Variants in ASB6 observed in about 807,000 individuals in gnomAD.
The protein encoded by ASB6 is ankyrin repeat and SOCS box containing 6, also known as ankyrin repeat and SOCS box protein 6.
Under a neutral mutation model 28.6 loss-of-function variants are expected in ASB6, and 24 were observed. That is an observed-to-expected ratio of 0.84 (90% confidence interval 0.61 to 1.18). The LOEUF is 1.18. ASB6 is among the 50% of genes most tolerant of loss of function. ASB6 has a pLI of 0.00. For synonymous variants in ASB6, 267 were observed against 243.4 expected (o/e 1.10, Z -0.90); for missense variants, 519 against 559.8 (o/e 0.93, Z 0.74).
rs1831715274 is a variant in ASB6 at position 129,641,954 on chromosome 9, G to A, written c.46C>T (p.Pro16Ser). The A allele has an allele frequency of 1.2e-6, 2 of 1,603,286 alleles. No individual in the cohort carries two copies. Among genetic ancestry groups the A allele is most frequent in the Non-Finnish European group, 8.5e-7 (1 of 1,176,134 alleles). Residue 16 changes from proline (P) to serine (S), a missense_variant, in exon 1 of 6, where the codon CCG becomes TCG. Transcript: ENST00000277458. ...GFRRIIFEYQ[P>S]LVDAILGSLG... ...GAGCCCAGAATCGCATCCACCAGCG[G>A]CTGGTACTCGAAGATGATCCTCCGG...
rs1485018625 is a variant in ASB6, at chr9:129,637,925, G to T, written c.1131C>A (p.His377Gln). The T allele has an allele frequency of 6.3e-7, 1 of 1,592,186 alleles. No homozygotes were observed. Residue 377 changes from histidine (H) to glutamine (Q), a missense_variant, in exon 6 of 6, where the codon CAC becomes CAA. Transcript: ENST00000277458. ...QLESYPPPLK[H>Q]LCRVAIRLYL... ...AGAGCCGGATGGCCACACGGCACAG[G>T]TGCTTGAGGGGCGGGGGATAGCTCT... is the stretch of plus-strand genomic sequence containing the variant.
rs1313036584 is a variant in ASB6 at position 129,638,270 on chromosome 9, G to A, written c.786C>T (p.Leu262=). The part of the protein sequence containing the change: ...DPSECPAHES[L]THICLKSFKL... ...TAAAGCTCTTCAGGCAGATGTGGGT[G>A]AGGGACTCGTGGGCTGGGCACTCGC... The change falls in exon 6 of 6, where the codon CTC becomes CTT. Residue 262 remains leucine (L), a synonymous_variant. Coordinates refer to ENST00000277458, the MANE Select transcript of ASB6 (RefSeq NM_017873.4). 2 of 1,613,308 alleles carry A rather than the reference G, an allele frequency of 1.2e-6. No individual in the cohort carries two copies. Among genetic ancestry groups the A allele is most frequent in the African/African-American group, 1.3e-5 (1 of 74,936 alleles).
At chr9:129,639,792 G>C (rs1223089371) in intron 2 of ASB6, among the ~76,000 whole-genome samples, 1 of 152,232 alleles carries the variant, frequency 6.6e-6, no homozygotes, top group Non-Finnish European at 1.5e-5. Flanking sequence ...CTGGGAGGCC[G>C]CGCTACACAG....
chr9:129,642,137 C>T lies in ASB6; in HGVS notation c.-138G>A. ...CCCCTGCGCCCGGCCGGGTCCGCTCCTCAGTCCAAGCCGCGCCCCCGCCGG... is the reference window on the plus strand; with the variant it reads ...CCCCTGCGCCCGGCCGGGTCCGCTCTTCAGTCCAAGCCGCGCCCCCGCCGG... On this transcript the variant is annotated 5_prime_UTR_variant, in exon 1 of 6. Coordinates refer to ENST00000277458, the MANE Select transcript of ASB6 (RefSeq NM_017873.4). This position sits in a 1 kb window ranked among gnomAD's most constrained non-coding sequence, Gnocchi z 4.3. 15 of 1,328,978 alleles carry T rather than the reference C, an allele frequency of 1.1e-5. No individual in the cohort carries two copies. Among genetic ancestry groups the T allele is most frequent in the Non-Finnish European group, 1.4e-5 (15 of 1,040,564 alleles). The allele number at this position is 1,328,978 out of a possible 1,614,324, so 82.3% of individuals were successfully genotyped here. A position where few individuals can be genotyped will look rare whatever the true frequency, so the allele number is the denominator to read the frequency against.
In ASB6 at chr9:129,634,889, C is replaced by T. The variant is rs1353929359; in HGVS notation, c.*2901G>A. On this transcript the variant is annotated 3_prime_UTR_variant, in exon 6 of 6. Coordinates refer to ENST00000277458, the MANE Select transcript of ASB6 (RefSeq NM_017873.4). ...AGCTCCTGCAATGCCAAACTCTTAGCCCAGGTTCACTCCTCCGATCCAAGC... is the reference window on the plus strand; with the variant it reads ...AGCTCCTGCAATGCCAAACTCTTAGTCCAGGTTCACTCCTCCGATCCAAGC... 8 of 356,012 alleles carry T rather than the reference C, an allele frequency of 2.2e-5. No homozygotes were observed. The Admixed American group carries it at 3.5e-4, about 16-fold the overall frequency. 22.1% of individuals were successfully genotyped at this position (356,012 alleles called of 1,614,324 possible). A position where few individuals can be genotyped will look rare whatever the true frequency, so the allele number is the denominator to read the frequency against.
rs145932765 is a variant in ASB6 at position 129,637,992 on chromosome 9, G to A, written c.1064C>T (p.Ala355Val). 29 of 1,610,220 alleles carry A rather than the reference G, an allele frequency of 1.8e-5. No individual in the cohort carries two copies. Among genetic ancestry groups the A allele is most frequent in the South Asian group, 3.3e-5 (3 of 90,514 alleles). The change falls in exon 6 of 6, where the codon GCG becomes GTG. Residue 355 changes from alanine to valine, a missense_variant. By Grantham distance (64) the Ala-to-Val change is moderately conservative. Coordinates refer to ENST00000277458, the MANE Select transcript of ASB6 (RefSeq NM_017873.4). The stretch of plus-strand genomic sequence containing the variant: ...GAAGTGGAGGGCCTGGATCTTTTCC[G>A]CCAGGCTGCCCACAGGGTGGATATC... Reference protein sequence around the residue: ...NFDIHPVGSLAEKIQALHFSL... With the variant: ...NFDIHPVGSLVEKIQALHFSL...
Position 129,640,569 on chromosome 9 carries a change from C to T in ASB6, c.267G>A (p.Leu89=). Reference sequence around the variant, plus strand: ...CAAAGTTGAGATTGGCCCCATGCCGCAAGAGAACGTCGGCCGCCCGCGTCA... The same window carrying T: ...CAAAGTTGAGATTGGCCCCATGCCGTAAGAGAACGTCGGCCGCCCGCGTCA... ...LGLTRAADVL[L]RHGANLNFED... is the part of the protein sequence containing the mutation. Residue 89 remains leucine, a synonymous_variant, in exon 2 of 6, where the codon TTG becomes TTA. Transcript: ENST00000277458. The T allele has an allele frequency of 6.2e-7, 1 of 1,611,864 alleles. No individual in the cohort carries two copies.
In ASB6 at chr9:129,635,485, C is replaced by CT. The variant is rs1831496206; in HGVS notation, c.*2304dup. On this transcript the variant is annotated 3_prime_UTR_variant, in exon 6 of 6. Coordinates refer to ENST00000277458, the MANE Select transcript of ASB6 (RefSeq NM_017873.4). ...GATGAGCCGGGGCTGGCAGGAGAAA[C>CT]TGAGGAACCACAGTCCTGGTGGGGG... The CT allele has an allele frequency of 6.3e-7, 1 of 1,598,076 alleles. No individual in the cohort carries two copies. Among genetic ancestry groups the CT allele is most frequent in the South Asian group, 1.1e-5 (1 of 89,992 alleles).
At position 129,636,922 on chromosome 9, in the gene ASB6, A is replaced by T. The variant is rs1266650858; in HGVS notation, c.*868T>A. On this transcript the variant is annotated 3_prime_UTR_variant, in exon 6 of 6. Transcript: ENST00000277458. ...GCCAAGAAAGTCAGTTTAATCTTAT[A>T]ATATAAATATATCATTTAGTCACCT... 1.3e-5 allele frequency: 2 copies of T among 152,302 alleles called. No individual in the cohort carries two copies. The highest frequency in any genetic ancestry group is 3.9e-4 in the East Asian group (2 of 5,182). 9.4% of individuals were successfully genotyped at this position (152,302 alleles called of 1,614,324 possible). A position where few individuals can be genotyped will look rare whatever the true frequency, so the allele number is the denominator to read the frequency against.
In ASB6 at chr9:129,636,958, CCA is replaced by C. The variant is rs1831571452; in HGVS notation, c.*830_*831del. 1 of 152,164 alleles carries C rather than the reference CCA, an allele frequency of 6.6e-6. No individual in the cohort carries two copies. The highest frequency in any genetic ancestry group is 2.4e-5 in the African/African-American group (1 of 41,430). The allele number at this position is 152,164 out of a possible 1,614,324, so 9.4% of individuals were successfully genotyped here. A position where few individuals can be genotyped will look rare whatever the true frequency, so the allele number is the denominator to read the frequency against. On this transcript the variant is annotated 3_prime_UTR_variant, in exon 6 of 6. Transcript: ENST00000277458. ...ATCATTTAGTCACCTCAGCTTATCC[CCA>C]GAGGTGTTTACACAATTCCCAATGA... is the stretch of plus-strand genomic sequence containing the variant.
Position 129,641,885 on chromosome 9 carries a change from A to G in ASB6, c.113+2T>C. The G allele has an allele frequency of 6.3e-7, 1 of 1,588,336 alleles. No individual in the cohort carries two copies. The highest frequency in any genetic ancestry group is 8.6e-7 in the Non-Finnish European group (1 of 1,168,004). ...GCCAGCTCACGGGAGGGGGTGAGTT[A>G]CCGGTCCAGAGACTCCTGCCGCTCG... On this transcript the variant is annotated splice_donor_variant, in intron 1 of 5. Coordinates refer to ENST00000277458, the MANE Select transcript of ASB6 (RefSeq NM_017873.4). LOFTEE classifies it high-confidence loss of function.
chr9:129,639,567 C>A, intron 2 of ASB6, 59 bp from the exon 3 acceptor site: 1 of 1,461,070 alleles, frequency 6.8e-7, no homozygotes, highest in Non-Finnish European at 9.4e-7. Context: ...ATGGGGCCCC[C>A]GGACCCAGAG....
chr9:129,635,798 T>G lies in ASB6; in HGVS notation c.*1992A>C. ...GATTCCCTGGGCCTCCAGCCCGGCC[T>G]TCCAGCCATGGGCCTGGCTGCCTGA... On this transcript the variant is annotated 3_prime_UTR_variant, in exon 6 of 6. Coordinates refer to ENST00000277458, the MANE Select transcript of ASB6 (RefSeq NM_017873.4). The G allele has an allele frequency of 3.9e-6, 1 of 255,794 alleles. No individual in the cohort carries two copies. The highest frequency in any genetic ancestry group is 7.6e-6 in the Non-Finnish European group (1 of 132,280). The allele number at this position is 255,794 out of a possible 1,614,324, so 15.8% of individuals were successfully genotyped here.
chr9:129,641,446 T>C (rs1224037941), intron 1 of ASB6, among the ~76,000 whole-genome samples: 1 of 152,210 alleles, frequency 6.6e-6, no homozygotes, highest in Non-Finnish European at 1.5e-5. Context: ...GGGCAGTGAA[T>C]GCAGATTCGC....
At position 129,637,524 on chromosome 9, in the gene ASB6, TCAATC is replaced by T. The variant is rs769954260; in HGVS notation, c.*261_*265del. ...CCCTCCAATTCAGAGGGTATAAACA[TCAATC>T]CAAGCCCTGTTCCTCTTTCCAACAT... On this transcript the variant is annotated 3_prime_UTR_variant, in exon 6 of 6. Coordinates refer to ENST00000277458, the MANE Select transcript of ASB6 (RefSeq NM_017873.4). The T allele has an allele frequency of 3.3e-5, 11 of 334,246 alleles. No homozygotes were observed. In the East Asian group the frequency reaches 4.7e-4, roughly 14 times the overall value. 20.7% of individuals were successfully genotyped at this position (334,246 alleles called of 1,614,324 possible).
In ASB6 at chr9:129,635,088, T is replaced by C; in HGVS notation, c.*2702A>G. 3.4e-6 allele frequency: 4 copies of C among 1,172,442 alleles called. No homozygotes were observed. The East Asian group carries it at 7.1e-5, about 21-fold the overall frequency. The allele number at this position is 1,172,442 out of a possible 1,614,324, so 72.6% of individuals were successfully genotyped here. ...TCGGGACTGAGAGCCAATGAGGCCA[T>C]GTGTGCACACAAAATGCTGGGCACA... On this transcript the variant is annotated 3_prime_UTR_variant, in exon 6 of 6. Transcript: ENST00000277458.
chr9:129,642,123 G>A lies in ASB6; in HGVS notation c.-124C>T, dbSNP rs377512132. 2.9e-5 allele frequency: 39 copies of A among 1,340,176 alleles called. No homozygotes were observed. Among genetic ancestry groups the A allele is most frequent in the African/African-American group, 1.1e-4 (7 of 64,554 alleles). The allele number at this position is 1,340,176 out of a possible 1,614,324, so 83.0% of individuals were successfully genotyped here. A position where few individuals can be genotyped will look rare whatever the true frequency, so the allele number is the denominator to read the frequency against. On this transcript the variant is annotated 5_prime_UTR_variant, in exon 1 of 6. Transcript: ENST00000277458. This position sits in a 1 kb window ranked among gnomAD's most constrained non-coding sequence, Gnocchi z 4.3. ...CTCCGCCAGTCCAGCCCCTGCGCCC[G>A]GCCGGGTCCGCTCCTCAGTCCAAGC...
chr9:129,638,310 T>G lies in ASB6; in HGVS notation c.746A>C (p.His249Pro). The G allele has an allele frequency of 6.2e-7, 1 of 1,612,884 alleles. No homozygotes were observed. Among genetic ancestry groups the G allele is most frequent in the Non-Finnish European group, 8.5e-7 (1 of 1,180,026 alleles). The change falls in exon 6 of 6, where the codon CAC becomes CCC. Residue 249 changes from histidine to proline, a missense_variant. Physicochemically the swap from His to Pro is moderately conservative, Grantham distance 77. Transcript: ENST00000277458. Reference protein sequence around the residue: ...CFQVTRLLLAHGADPSECPAH... With the variant: ...CFQVTRLLLAPGADPSECPAH... The stretch of plus-strand genomic sequence containing the variant: ...TGGGCACTCGCTGGGGTCGGCCCCG[T>G]GTGCCAGCAGCAGCCGTGTGACTTG...
In ASB6 at chr9:129,634,746, CCACCTCCTGAGGCGGG is replaced by C; in HGVS notation, c.*3028_*3043del. 4.6e-6 allele frequency: 1 copy of C among 218,138 alleles called. No individual in the cohort carries two copies. The highest frequency in any genetic ancestry group is 9.1e-6 in the Non-Finnish European group (1 of 109,494). The allele number at this position is 218,138 out of a possible 1,614,324, so 13.5% of individuals were successfully genotyped here. ...GCGGCAGGCCGCTAGCAGCAGTCGG[CCACCTCCTGAGGCGGG>C]CAGCACAGGCCTGCTGTGGACACTC... On this transcript the variant is annotated 3_prime_UTR_variant, in exon 6 of 6. Coordinates refer to ENST00000277458, the MANE Select transcript of ASB6 (RefSeq NM_017873.4).
Sources: gnomAD v4.1 joint callset for allele counts (sites outside exome capture counted in the v4.1 genomes callset) on GRCh38, gnomAD v4.1.1 for gene constraint, Gnocchi (gnomAD v3.1) non-coding constraint, MANE v1.5 for transcripts, NCBI Gene and HGNC (gene_info 2026-07-23, HGNC 2026-07-21) for gene names.